The following NCKAP5 variants were observed in gnomAD, a reference collection of about 807,000 sequenced individuals.
NCKAP5 encodes NCK associated protein 5.
A neutral mutation model predicts 167.0 loss-of-function variants in NCKAP5; 92 were observed. The ratio of observed to expected loss-of-function variants is 0.55; its 90% CI spans 0.47 to 0.66. The LOEUF is 0.66. Among genes scored for constraint, NCKAP5 ranks in the 30% least tolerant of loss-of-function variants. The probability of loss-of-function intolerance (pLI) is 0.00; values close to 1 mark genes in which losing one functional copy is unlikely to be tolerated. For missense variants in NCKAP5, 2,378 were observed against 2,315.0 expected, an observed-to-expected ratio of 1.03 and a Z score of -0.56; for synonymous variants, 891 against 877.4, an observed-to-expected ratio of 1.02 and a Z score of -0.27.
intron 3 of NCKAP5, among the ~76,000 whole-genome samples, chr2:133,467,290 C>G (rs1443676732): frequency 2.0e-5 from 3 of 151,362 alleles, no homozygotes; most frequent in African/African-American, 7.3e-5. Context: ...GTCTTTGGCT[C>G]TGTTTATATG....
At chr2:132,977,179 C>G (rs182370262) in intron 7 of NCKAP5, among the ~76,000 whole-genome samples, 168 of 152,310 alleles carry the variant, frequency 1.1e-3, no homozygotes, top group African/African-American at 3.8e-3. Context: ...CTGCACAACA[C>G]AGAAGGCATT....
intron 3 of NCKAP5, among the ~76,000 whole-genome samples, chr2:133,455,675 T>C (rs1324927160): frequency 1.3e-5 from 2 of 152,118 alleles, no homozygotes; most frequent in African/African-American, 4.8e-5. Context: ...CATCACCATA[T>C]ATTAAAAATA....
chr2:133,003,304 A>C (rs191474760), intron 6 of NCKAP5, among the ~76,000 whole-genome samples: 1 of 152,334 alleles, frequency 6.6e-6, no homozygotes, highest in Admixed American at 6.5e-5. Flanking sequence ...GCCTTCCTCA[A>C]CAAACTATCC....
At chr2:132,995,257 A>C in intron 6 of NCKAP5, among the ~76,000 whole-genome samples, 1 of 152,216 alleles carries the variant, frequency 6.6e-6, no homozygotes, top group African/African-American at 2.4e-5. Context: ...AAAAAACTCG[A>C]TGCTTGTAAT....
At chr2:133,192,482 A>G (rs1007637096) in intron 5 of NCKAP5, among the ~76,000 whole-genome samples, 1 of 152,102 alleles carries the variant, frequency 6.6e-6, no homozygotes, top group Non-Finnish European at 1.5e-5. Context: ...ACACTGGGAG[A>G]AAACATTTAC....
Position 133,556,358 on chromosome 2 carries a change from G to A in NCKAP5, c.-62+2692C>T, listed in dbSNP as rs146419793. Among the ~76,000 whole-genome samples the A allele has an allele frequency of 4.5e-3, 688 of 152,242 alleles. 5 individuals carry two copies. The highest frequency in any genetic ancestry group is 0.02 in the Middle Eastern group (6 of 294). ...ATGATATGGACTGTAGAATGTTCAC[G>A]ATCCTAGCCACCTACTTATAAAAAC... On this transcript the variant is annotated intron_variant, in intron 2 of 19. Transcript: ENST00000409261.
the NCKAP5 span, among the ~76,000 whole-genome samples, chr2:133,650,550 C>A: frequency 6.6e-6 from 1 of 152,032 alleles, no homozygotes; most frequent in African/African-American, 2.4e-5. Flanking sequence ...AGAAATAAAT[C>A]CACACATATG....
At chr2:133,110,155 C>T (rs2081859399) in intron 6 of NCKAP5, among the ~76,000 whole-genome samples, 1 of 152,142 alleles carries the variant, frequency 6.6e-6, no homozygotes, top group African/African-American at 2.4e-5. Flanking sequence ...TTTACAGACT[C>T]GATTTCCTTT....
chr2:132,874,148 A>AACCC (rs1172670726), intron 9 of NCKAP5, among the ~76,000 whole-genome samples: 1 of 139,864 alleles, frequency 7.1e-6, no homozygotes, highest in Non-Finnish European at 1.5e-5. Context: ...TCGCTCTGTC[A>AACCC]CCCAGGCTGG....
chr2:133,483,201 A>G (rs1680610911), intron 3 of NCKAP5, among the ~76,000 whole-genome samples: 2 of 152,180 alleles, frequency 1.3e-5, no homozygotes, highest in Non-Finnish European at 2.9e-5. Context: ...CCATTTTTCT[A>G]AAATCTGCAT....
intron 6 of NCKAP5, among the ~76,000 whole-genome samples, chr2:133,091,955 G>T (rs1051134755): frequency 6.6e-6 from 1 of 152,088 alleles, no homozygotes; most frequent in African/African-American, 2.4e-5. Flanking sequence ...TTTCTTTCCA[G>T]GATAAAGCCA....
intron 3 of NCKAP5, among the ~76,000 whole-genome samples, chr2:133,488,777 A>T (rs979790103): frequency 2.6e-5 from 4 of 152,230 alleles, no homozygotes; most frequent in African/African-American, 9.6e-5. Context: ...TTAGCCGGGC[A>T]TGGTGGCACG....
At chr2:133,175,736 C>T (rs562677238) in intron 5 of NCKAP5, among the ~76,000 whole-genome samples, 6 of 152,154 alleles carry the variant, frequency 3.9e-5, no homozygotes, top group South Asian at 2.1e-4. Flanking sequence ...CTTACTCTCT[C>T]GCCCCACAGA....
At chr2:133,427,060 A>G (rs1024506229) in intron 3 of NCKAP5, among the ~76,000 whole-genome samples, 8 of 152,338 alleles carry the variant, frequency 5.3e-5, no homozygotes, top group Admixed American at 2.0e-4. Flanking sequence ...AGAGCCATGC[A>G]AAAATCTCAG....
chr2:133,605,884 G>A, the NCKAP5 span, among the ~76,000 whole-genome samples: 234 of 152,256 alleles, frequency 1.5e-3, no homozygotes, highest in Non-Finnish European at 2.8e-3. Context: ...AGGAAAAGGG[G>A]GGCAGGAGGC....
At chr2:132,903,880 G>C (rs1693810809) in intron 8 of NCKAP5, among the ~76,000 whole-genome samples, 1 of 152,104 alleles carries the variant, frequency 6.6e-6, no homozygotes, top group South Asian at 2.1e-4. Context: ...TACCATTAAT[G>C]TTATAATGTA....
intron 6 of NCKAP5, among the ~76,000 whole-genome samples, chr2:133,102,638 C>T (rs555753994): frequency 4.6e-5 from 7 of 152,242 alleles, no homozygotes; most frequent in African/African-American, 1.7e-4. Context: ...TTTGCTACAT[C>T]TCCCTCCACT....
intron 11 of NCKAP5, among the ~76,000 whole-genome samples, chr2:132,853,650 A>AT (rs1165632783): frequency 6.6e-6 from 1 of 152,180 alleles, no homozygotes; most frequent in Non-Finnish European, 1.5e-5. Context: ...GAATGGGGAG[A>AT]TAAAAACCCA....
intron 7 of NCKAP5, among the ~76,000 whole-genome samples, chr2:132,979,031 G>A (rs1164202243): frequency 6.6e-6 from 1 of 152,128 alleles, no homozygotes; most frequent in Non-Finnish European, 1.5e-5. Flanking sequence ...GGCTGAGAAG[G>A]GTTCACTGTG....
Sources: gnomAD v4.1 joint callset for allele counts (sites outside exome capture counted in the v4.1 genomes callset) on GRCh38, gnomAD v4.1.1 for gene constraint, MANE v1.5 for transcripts, NCBI Gene and HGNC (gene_info 2026-07-23, HGNC 2026-07-21) for gene names.